Variants in SMURF2 observed in about 807,000 individuals in gnomAD.
SMURF2 encodes E3 ubiquitin-protein ligase SMURF2.
A neutral mutation model predicts 109.6 loss-of-function variants in SMURF2; 48 were observed. The ratio of observed to expected loss-of-function variants is 0.44; its 90% confidence interval spans 0.35 to 0.56. The LOEUF (loss-of-function observed/expected upper bound fraction) is 0.56, where lower values mean the gene tolerates loss of function less well. Ranked by LOEUF, SMURF2 falls within the 20% of genes least tolerant of loss-of-function variation. SMURF2 has a pLI of 0.01. For synonymous variants in SMURF2, 288 were observed against 317.1 expected (o/e 0.91, Z 0.97); for missense variants, 575 against 909.0 (o/e 0.63, Z 4.72).
intron 10 of SMURF2, among the ~76,000 whole-genome samples, chr17:64,569,941 C>T (rs1555685415): frequency 6.6e-6 from 1 of 152,204 alleles, no homozygotes; most frequent in Admixed American, 6.5e-5. Context: ...CCATACTTCT[C>T]TGTTTCTTCA....
At chr17:64,597,345 A>G (rs1969832437) in intron 3 of SMURF2, among the ~76,000 whole-genome samples, 1 of 152,136 alleles carries the variant, frequency 6.6e-6, no homozygotes, top group South Asian at 2.1e-4. Context: ...TCCAGGAGTT[A>G]GAGGCTACAC....
intron 12 of SMURF2, among the ~76,000 whole-genome samples, chr17:64,560,651 G>C (rs569026255): frequency 3.3e-5 from 5 of 152,124 alleles, no homozygotes; most frequent in African/African-American, 1.2e-4. Flanking sequence ...AATTCTTGTA[G>C]TAAATATAAT....
At chr17:64,567,868 T>G (rs1969336566) in intron 10 of SMURF2, among the ~76,000 whole-genome samples, 1 of 150,438 alleles carries the variant, frequency 6.6e-6, no homozygotes, top group Admixed American at 6.6e-5. Flanking sequence ...TTTTTTTTTT[T>G]TTTTGAGACG....
intron 9 of SMURF2, among the ~76,000 whole-genome samples, chr17:64,575,212 G>A (rs1555685957): frequency 1.3e-5 from 2 of 151,040 alleles, no homozygotes; most frequent in African/African-American, 4.9e-5. Context: ...GGAGTGCCAC[G>A]GTGCGATCTC....
intron 15 of SMURF2, among the ~76,000 whole-genome samples, chr17:64,552,825 T>A (rs1969064566): frequency 6.6e-6 from 1 of 152,160 alleles, no homozygotes; most frequent in Non-Finnish European, 1.5e-5. Context: ...TGCCTCGGGC[T>A]CCAAAGTAGC....
chr17:64,606,416 A>G (rs1969971635), intron 2 of SMURF2, among the ~76,000 whole-genome samples, 186 bp downstream of exon 2: 1 of 152,130 alleles, frequency 6.6e-6, no homozygotes, highest in African/African-American at 2.4e-5. Flanking sequence ...GAAAGGGCTA[A>G]GCCTAAAAAG....
At chr17:64,576,472 T>C (rs1969492594) in intron 9 of SMURF2, among the ~76,000 whole-genome samples, 1 of 151,816 alleles carries the variant, frequency 6.6e-6, no homozygotes, top group African/African-American at 2.4e-5. Flanking sequence ...AAGACAAGCC[T>C]GGACAACATG....
intron 1 of SMURF2, among the ~76,000 whole-genome samples, chr17:64,649,613 G>A (rs576696064): frequency 1.3e-5 from 2 of 150,048 alleles, no homozygotes; most frequent in African/African-American, 2.4e-5. Context: ...AGGCTGCAAC[G>A]GGCGTATCAC....
chr17:64,553,633 G>A (rs1459447122), intron 15 of SMURF2, among the ~76,000 whole-genome samples: 1 of 151,778 alleles, frequency 6.6e-6, no homozygotes, highest in South Asian at 2.1e-4. Flanking sequence ...ATAATATTCT[G>A]CTGAATGTAT....
chr17:64,637,073 G>A (rs1383459282), intron 1 of SMURF2, among the ~76,000 whole-genome samples: 1 of 151,500 alleles, frequency 6.6e-6, no homozygotes, highest in Non-Finnish European at 1.5e-5. Context: ...AAATAAATAA[G>A]ATTTTTGTTT....
chr17:64,643,899 T>G (rs1364718398), intron 1 of SMURF2, among the ~76,000 whole-genome samples: 1 of 151,738 alleles, frequency 6.6e-6, no homozygotes, highest in African/African-American at 2.4e-5. Flanking sequence ...TGATCTCGGC[T>G]CACTGCAGCC....
At chr17:64,598,822 G>A (rs1397538891) in intron 2 of SMURF2, among the ~76,000 whole-genome samples, 3 of 152,102 alleles carry the variant, frequency 2.0e-5, no homozygotes, top group Non-Finnish European at 4.4e-5. Context: ...ATGAATTCTT[G>A]TAACCATTCA....
rs570548714 is a variant in SMURF2, at chr17:64,551,701, G to A, written c.1752C>T (p.Leu584=). The change falls in exon 16 of 19, where the codon CTC becomes CTT. Residue 584 remains leucine, a synonymous_variant. Transcript: ENST00000262435. ...NEENKKEYVR[L]YVNWRFLRGI... ...CTCGTAAAAATCTCCAGTTCACATA[G>A]AGCCTGTAAACATTCGGCAGGATTT... 1 of 1,613,718 alleles carries A rather than the reference G, an allele frequency of 6.2e-7. No individual in the cohort carries two copies. The highest frequency in any genetic ancestry group is 1.3e-5 in the African/African-American group (1 of 74,894).
rs371751361 is a variant in SMURF2, at chr17:64,593,861, T to C, written c.201-288A>G. The C allele has an allele frequency of 1.5e-4, 29 of 198,818 alleles. 1 individual carries two copies. Among genetic ancestry groups the C allele is most frequent in the African/African-American group, 6.0e-4 (26 of 43,466 alleles). The allele number at this position is 198,818 out of a possible 1,614,324, so 12.3% of individuals were successfully genotyped here. A position where few individuals can be genotyped will look rare whatever the true frequency, so the allele number is the denominator to read the frequency against. On this transcript the variant is annotated intron_variant, in intron 3 of 18. Coordinates refer to ENST00000262435, the MANE Select transcript of SMURF2 (RefSeq NM_022739.4). ...GTCTAATAACACTAAGGGAGTTTAT[T>C]AAATAACTTCTTTGCAAGAAAAAGA...
intron 5 of SMURF2, among the ~76,000 whole-genome samples, chr17:64,588,091 C>CAAAAAAAA (rs375759315): frequency 1.5e-5 from 1 of 68,894 alleles, no homozygotes. Flanking sequence ...GTTTATGGTC[C>CAAAAAAAA]AAAAAAAAAA....
rs1220401316 is a variant in SMURF2, at chr17:64,543,725, TATTC to T, written c.*2119_*2122del. On this transcript the variant is annotated 3_prime_UTR_variant, in exon 19 of 19. Coordinates refer to ENST00000262435, the MANE Select transcript of SMURF2 (RefSeq NM_022739.4). ...GTATCCCTGTCAGTTATGATTTCTG[TATTC>T]ATTATGTACTTTTTTACTGAAAGAT... 8.5e-5 allele frequency: 13 copies of T among 152,252 alleles called. No homozygotes were observed. The highest frequency in any genetic ancestry group is 2.9e-4 in the African/African-American group (12 of 41,476). 9.4% of individuals were successfully genotyped at this position (152,252 alleles called of 1,614,324 possible). A position where few individuals can be genotyped will look rare whatever the true frequency, so the allele number is the denominator to read the frequency against.
intron 5 of SMURF2, among the ~76,000 whole-genome samples, chr17:64,590,194 T>G (rs1422922571): frequency 6.7e-6 from 1 of 149,076 alleles, no homozygotes; most frequent in Non-Finnish European, 1.5e-5. Context: ...CCAGCTGGAG[T>G]GCAATGGTGT....
chr17:64,609,450 G>A (rs1214293309), intron 1 of SMURF2, among the ~76,000 whole-genome samples: 1 of 151,980 alleles, frequency 6.6e-6, no homozygotes, highest in African/African-American at 2.4e-5. Flanking sequence ...CAGAACAGAG[G>A]CCTCAGAAAT....
At chr17:64,576,946 T>C (rs1969502058) in intron 9 of SMURF2, among the ~76,000 whole-genome samples, 1 of 145,808 alleles carries the variant, frequency 6.9e-6, no homozygotes, top group South Asian at 2.2e-4. Flanking sequence ...AGTGGTGTGA[T>C]CTCAGCTCAC....
Sources: allele counts gnomAD v4.1 joint callset (sites outside exome capture counted in the v4.1 genomes callset), GRCh38; gene constraint gnomAD v4.1.1; transcripts MANE v1.5; gene names NCBI Gene and HGNC (gene_info 2026-07-23, HGNC 2026-07-21).